The following IGF1R variants were observed in gnomAD, a reference collection of about 807,000 sequenced individuals.
IGF1R encodes the protein insulin-like growth factor 1 receptor.
In IGF1R, 44 loss-of-function variants were observed where a neutral mutation model predicts 144.6. The observed-to-expected ratio is 0.30, with a 90% CI of 0.24 to 0.39. The LOEUF is 0.39. Ranked by LOEUF, IGF1R falls within the 10% of genes least tolerant of loss-of-function variation. The pLI is 1.00. For missense variants in IGF1R, 1,355 were observed against 1,833.7 expected (o/e 0.74, Z 4.77); for synonymous variants, 795 against 722.8 (o/e 1.10, Z -1.60).
chr15:98,673,458 A>G (rs927361299), intron 1 of IGF1R, among the ~76,000 whole-genome samples: 106 of 152,334 alleles, frequency 7.0e-4, no homozygotes, highest in African/African-American at 2.4e-3. Flanking sequence ...GGCTCTCTCA[A>G]TAATAGAAGT....
At chr15:98,843,439 C>T (rs1470845820) in intron 2 of IGF1R, among the ~76,000 whole-genome samples, 1 of 152,282 alleles carries the variant, frequency 6.6e-6, no homozygotes, top group East Asian at 1.9e-4. Context: ...GGTCGTGTTT[C>T]TACTTCTCTT....
chr15:98,804,657 A>G (rs1414174909), intron 2 of IGF1R, among the ~76,000 whole-genome samples: 2 of 152,194 alleles, frequency 1.3e-5, no homozygotes, highest in African/African-American at 2.4e-5. Flanking sequence ...GACCGTCATC[A>G]TGGACACTCA....
chr15:98,896,068 A>G (rs1181711167), intron 3 of IGF1R, among the ~76,000 whole-genome samples: 2 of 152,086 alleles, frequency 1.3e-5, no homozygotes, highest in Non-Finnish European at 2.9e-5. Flanking sequence ...TCAGGATAGT[A>G]TTTGAAACAA....
chr15:98,867,139 C>T (rs1300540909), intron 2 of IGF1R, among the ~76,000 whole-genome samples: 3 of 142,188 alleles, frequency 2.1e-5, no homozygotes, highest in East Asian at 2.3e-4. Context: ...CTTCCTTGTG[C>T]CAGGAGAGAA....
rs776301113 is a variant in IGF1R at position 98,891,310 on chromosome 15, C to T, written c.641-15C>T. The T allele has an allele frequency of 1.4e-5, 23 of 1,603,896 alleles. No individual in the cohort carries two copies. The highest frequency in any genetic ancestry group is 6.7e-5 in the African/African-American group (5 of 74,916). ...CCTGCCCGGTCTCATCTCCGTCTCT[C>T]CTCTCTCTCCACAGTGTGCCCAAGC... On this transcript the variant is annotated splice_polypyrimidine_tract_variant and intron_variant, in intron 2 of 20. Coordinates refer to ENST00000650285, the MANE Select transcript of IGF1R (RefSeq NM_000875.5). This position sits in a 1 kb window ranked among gnomAD's most constrained non-coding sequence, Gnocchi z 4.7.
At chr15:98,848,424 C>T (rs1332652139) in intron 2 of IGF1R, among the ~76,000 whole-genome samples, 1 of 152,206 alleles carries the variant, frequency 6.6e-6, no homozygotes, top group Admixed American at 6.5e-5. Flanking sequence ...ATACAGTCAG[C>T]CCAGCCAAGA....
intron 2 of IGF1R, among the ~76,000 whole-genome samples, chr15:98,738,259 C>T (rs759577901): frequency 6.6e-5 from 10 of 152,228 alleles, no homozygotes; most frequent in Non-Finnish European, 4.4e-5. Context: ...TGAACTCAAA[C>T]TGCTGGACTC....
chr15:98,854,495 T>C (rs2011683464), intron 2 of IGF1R, among the ~76,000 whole-genome samples: 1 of 152,210 alleles, frequency 6.6e-6, no homozygotes, highest in South Asian at 2.1e-4. Context: ...CATTCTTTCT[T>C]CTGCGGCCCT....
chr15:98,654,696 G>C (rs1447968004), intron 1 of IGF1R, among the ~76,000 whole-genome samples: 2 of 152,194 alleles, frequency 1.3e-5, no homozygotes, highest in African/African-American at 4.8e-5. Context: ...AACTTGATTT[G>C]AACTGCTTTT....
chr15:98,688,363 T>C (rs1358303888), intron 1 of IGF1R, among the ~76,000 whole-genome samples: 5 of 142,616 alleles, frequency 3.5e-5, no homozygotes, highest in East Asian at 2.2e-4. Context: ...ACACTCTCTC[T>C]CCCCCGCTCC....
intron 2 of IGF1R, among the ~76,000 whole-genome samples, chr15:98,859,392 A>T (rs1456514476): frequency 6.6e-6 from 1 of 152,174 alleles, no homozygotes; most frequent in African/African-American, 2.4e-5. Flanking sequence ...CTTGATTTTA[A>T]AGTGTTTGCT....
At chr15:98,763,322 T>C (rs1342256298) in intron 2 of IGF1R, among the ~76,000 whole-genome samples, 1 of 152,216 alleles carries the variant, frequency 6.6e-6, no homozygotes, top group East Asian at 1.9e-4. Flanking sequence ...TCCTTCCACT[T>C]TCCTTTTGTT....
intron 2 of IGF1R, among the ~76,000 whole-genome samples, chr15:98,761,371 G>A (rs139014365): frequency 1.2e-4 from 18 of 152,364 alleles, no homozygotes; most frequent in African/African-American, 4.3e-4. Flanking sequence ...CTGAGAAAGG[G>A]GAAAGTGCTA....
chr15:98,722,220 C>T (rs914541088), intron 2 of IGF1R, among the ~76,000 whole-genome samples: 15 of 152,084 alleles, frequency 9.9e-5, no homozygotes, highest in African/African-American at 3.6e-4. Context: ...ACAACTTATG[C>T]GGTGTGACGA....
intron 2 of IGF1R, among the ~76,000 whole-genome samples, chr15:98,742,261 A>G (rs985229035): frequency 6.6e-6 from 1 of 152,248 alleles, no homozygotes; most frequent in Non-Finnish European, 1.5e-5. Context: ...TGGAGTATGG[A>G]CAGCATGAAG....
chr15:98,836,201 C>G (rs569294080), intron 2 of IGF1R, among the ~76,000 whole-genome samples: 1 of 151,778 alleles, frequency 6.6e-6, no homozygotes, highest in East Asian at 1.9e-4. Flanking sequence ...CTCTCTCTCT[C>G]AGCTTTTTAT....
chr15:98,868,730 C>G (rs2012606086), intron 2 of IGF1R, among the ~76,000 whole-genome samples: 1 of 152,144 alleles, frequency 6.6e-6, no homozygotes, highest in Non-Finnish European at 1.5e-5. Context: ...GGCAGGCCCT[C>G]CCTCTTTGGC....
chr15:98,746,527 G>A (rs1179083225), intron 2 of IGF1R, among the ~76,000 whole-genome samples: 2 of 152,036 alleles, frequency 1.3e-5, no homozygotes, highest in Admixed American at 1.3e-4. Flanking sequence ...GAGTCATCCC[G>A]GCAGCCCCTG....
chr15:98,775,243 G>A (rs890582087), intron 2 of IGF1R, among the ~76,000 whole-genome samples: 3 of 152,096 alleles, frequency 2.0e-5, no homozygotes, highest in Admixed American at 6.5e-5. Context: ...ACCTCCACAT[G>A]GAAGGTGCCT....
Sources: gnomAD v4.1 joint callset for allele counts (sites outside exome capture counted in the v4.1 genomes callset) on GRCh38, gnomAD v4.1.1 for gene constraint, Gnocchi (gnomAD v3.1) non-coding constraint, MANE v1.5 for transcripts, NCBI Gene and HGNC (gene_info 2026-07-23, HGNC 2026-07-21) for gene names.